Variants in SANBR observed in about 807,000 individuals in gnomAD.
SANBR encodes SANT and BTB domain regulator of CSR.
A neutral mutation model predicts 101.8 loss-of-function variants in SANBR; 77 were observed. The observed-to-expected ratio is 0.76, with a 90% confidence interval of 0.63 to 0.91. The LOEUF (loss-of-function observed/expected upper bound fraction) is 0.91, where lower values mean the gene tolerates loss of function less well. SANBR is among the 40% of genes least tolerant of loss of function. The pLI, the probability that SANBR is intolerant of heterozygous loss-of-function variation, is 0.00. For synonymous variants in SANBR, 279 were observed against 274.7 expected, an observed-to-expected ratio of 1.02 and a Z score of -0.15; for missense variants, 875 against 853.0, an observed-to-expected ratio of 1.03 and a Z score of -0.32.
At chr2:61,133,579 C>T (rs951638035) in intron 20 of SANBR, among the ~76,000 whole-genome samples, 6 of 151,774 alleles carry the variant, frequency 4.0e-5, no homozygotes, top group African/African-American at 1.5e-4. Context: ...ATACCGAGAC[C>T]CTATCTCTAC....
intron 21 of SANBR, among the ~76,000 whole-genome samples, chr2:61,137,128 A>T (rs1371653374): frequency 6.6e-6 from 1 of 151,848 alleles, no homozygotes; most frequent in African/African-American, 2.4e-5. Flanking sequence ...CAAAAAAAAA[A>T]TTAGCGGGGC....
chr2:61,090,913 T>C (rs1682719978), intron 10 of SANBR, among the ~76,000 whole-genome samples: 2 of 142,582 alleles, frequency 1.4e-5, no homozygotes, highest in Non-Finnish European at 3.1e-5. Context: ...AAATTCCTTT[T>C]TTTTTTTTTT....
chr2:61,122,269 A>T lies in SANBR; in HGVS notation c.*107A>T. ...CAATGACTTCCAACTGTTTTATGTT[A>T]TTATTATTTTAATCCACATAAATCA... On this transcript the variant is annotated 3_prime_UTR_variant, in exon 22 of 22. Coordinates refer to ENST00000402291, the MANE Select transcript of SANBR (RefSeq NM_001129993.3). 1 of 1,381,994 alleles carries T rather than the reference A, an allele frequency of 7.2e-7. No individual in the cohort carries two copies. Among genetic ancestry groups the T allele is most frequent in the South Asian group, 1.8e-5 (1 of 55,532 alleles). The allele number at this position is 1,381,994 out of a possible 1,614,324, so 85.6% of individuals were successfully genotyped here. A position where few individuals can be genotyped will look rare whatever the true frequency, so the allele number is the denominator to read the frequency against.
chr2:61,071,760 C>T lies in SANBR; in HGVS notation c.305C>T (p.Thr102Ile). 2 of 1,602,492 alleles carry T rather than the reference C, an allele frequency of 1.2e-6. No individual in the cohort carries two copies. Among genetic ancestry groups the T allele is most frequent in the Non-Finnish European group, 1.7e-6 (2 of 1,176,748 alleles). The change falls in exon 4 of 22, where the codon ACT becomes ATT. Residue 102 changes from threonine (T) to isoleucine (I), a missense_variant. Transcript: ENST00000402291. ...GACATACATGGAGAATTTCAGGAGA[C>T]TCCAGTTGGACATGATGCAGTTTCC... ...LLDIHGEFQE[T>I]PVGHDAVSKT...
downstream of SANBR, among the ~76,000 whole-genome samples, chr2:61,128,663 T>C (rs550055293): frequency 4.1e-4 from 62 of 152,172 alleles, no homozygotes; most frequent in Non-Finnish European, 7.6e-4. Flanking sequence ...CAGCTAATTT[T>C]TTGTATTTTT....
intron 16 of SANBR, among the ~76,000 whole-genome samples, chr2:61,112,084 C>T (rs976538122): frequency 6.6e-6 from 1 of 152,082 alleles, no homozygotes; most frequent in Middle Eastern, 3.2e-3. Context: ...ATTACTAGAT[C>T]ATATGGTAAG....
At chr2:61,137,748 G>A (rs577664994) in exon 22 of SANBR, 82 of 152,144 alleles carry the variant, frequency 5.4e-4, no homozygotes, top group African/African-American at 1.9e-3. Flanking sequence ...CCCTATCACC[G>A]AGGATCCTGC....
intron 20 of SANBR, among the ~76,000 whole-genome samples, chr2:61,129,322 T>C (rs1239259345): frequency 6.6e-6 from 1 of 151,696 alleles, no homozygotes; most frequent in Non-Finnish European, 1.5e-5. Context: ...CAGGCACCTG[T>C]AATCCCAGCT....
intron 4 of SANBR, 109 bp from the exon 5 acceptor site, chr2:61,073,349 G>T: frequency 2.1e-6 from 1 of 485,266 alleles, no homozygotes; most frequent in Non-Finnish European, 3.7e-6. Flanking sequence ...TTTAGCCTTG[G>T]AAACCATGCA....
chr2:61,090,143 A>G (rs1360658172), intron 10 of SANBR, among the ~76,000 whole-genome samples: 1 of 152,174 alleles, frequency 6.6e-6, no homozygotes, highest in African/African-American at 2.4e-5. Flanking sequence ...GAGCAAAACA[A>G]AGTTATGAAA....
In SANBR at chr2:61,114,144, G is replaced by A. The variant is rs539480076; in HGVS notation, c.1745-1835G>A. Among the ~76,000 whole-genome samples the A allele has an allele frequency of 2.0e-5, 3 of 152,172 alleles. No homozygotes were observed. The South Asian group carries it at 6.2e-4, about 32-fold the overall frequency. On this transcript the variant is annotated intron_variant, in intron 16 of 21. Coordinates refer to ENST00000402291, the MANE Select transcript of SANBR (RefSeq NM_001129993.3). Reference sequence around the variant, plus strand: ...TCTGATCCACAGATCCTGACCCAACGACAGATGAATAACTTACACTGACAC... The same window carrying A: ...TCTGATCCACAGATCCTGACCCAACAACAGATGAATAACTTACACTGACAC...
intron 13 of SANBR, among the ~76,000 whole-genome samples, chr2:61,106,351 A>G (rs1020507857): frequency 4.4e-5 from 6 of 135,044 alleles, no homozygotes; most frequent in African/African-American, 1.7e-4. Context: ...AGATCATGCC[A>G]TTGCCCTCCA....
At chr2:61,087,342 AG>A (rs1682487318) in intron 8 of SANBR, among the ~76,000 whole-genome samples, 1 of 152,122 alleles carries the variant, frequency 6.6e-6, no homozygotes, top group South Asian at 2.1e-4. Flanking sequence ...GATTACTTGA[AG>A]GCCAGGAGTC....
intron 20 of SANBR, among the ~76,000 whole-genome samples, chr2:61,133,979 A>G (rs1377118241): frequency 6.6e-6 from 1 of 152,246 alleles, no homozygotes; most frequent in Non-Finnish European, 1.5e-5. Context: ...CAAAAAGGCC[A>G]GTATTGCATC....
downstream of SANBR, among the ~76,000 whole-genome samples, chr2:61,128,959 TC>T (rs1262478626): frequency 6.6e-6 from 1 of 151,944 alleles, no homozygotes; most frequent in Non-Finnish European, 1.5e-5. Context: ...GAGATCCTGT[TC>T]CAAAACGAAG....
Position 61,077,001 on chromosome 2 carries a change from A to G in SANBR, c.513A>G (p.Ser171=). 6.2e-7 allele frequency: 1 copy of G among 1,614,218 alleles called. No homozygotes were observed. The highest frequency in any genetic ancestry group is 8.5e-7 in the Non-Finnish European group (1 of 1,180,030). Residue 171 remains serine (S), a synonymous_variant, in exon 6 of 22, where the codon TCA becomes TCG. Transcript: ENST00000402291. The stretch of plus-strand genomic sequence containing the variant: ...CTTGCCCGCGAGATCTTTTGATATC[A>G]GAAATGAAGTACTTTGCTGAATATT... ...DFTCPRDLLI[S]EMKYFAEYLS...
intron 20 of SANBR, 83 bp from the exon 21 acceptor site, chr2:61,121,102 A>C: frequency 1.0e-6 from 1 of 974,670 alleles, no homozygotes; most frequent in Non-Finnish European, 1.5e-6. Context: ...AATTACTTCT[A>C]AATTAAAAAG....
chr2:61,116,039 G>C lies in SANBR; in HGVS notation c.1805G>C (p.Cys602Ser). Residue 602 changes from cysteine to serine, a missense_variant, in exon 17 of 22, where the codon TGT becomes TCT. Coordinates refer to ENST00000402291, the MANE Select transcript of SANBR (RefSeq NM_001129993.3). ...CCAAAAAAGCAGGTATCTTCACCCT[G>C]TGCCCAGAGGAAAGAAAAGGCATTG... ...RQPKKQVSSP[C>S]AQRKEKALEK... 1.2e-6 allele frequency: 2 copies of C among 1,610,658 alleles called. No homozygotes were observed. The highest frequency in any genetic ancestry group is 2.2e-5 in the South Asian group (2 of 90,266).
chr2:61,123,023 T>G lies in SANBR; in HGVS notation c.*861T>G. 1.0e-6 allele frequency: 1 copy of G among 981,752 alleles called. No homozygotes were observed. Among genetic ancestry groups the G allele is most frequent in the Non-Finnish European group, 1.2e-6 (1 of 826,442 alleles). The allele number at this position is 981,752 out of a possible 1,614,324, so 60.8% of individuals were successfully genotyped here. Reference sequence around the variant, plus strand: ...CCTTAAAACAGTTATACTTGCTAGTTCGGTCTAAAATTTTCCAAATACATT... The same window carrying G: ...CCTTAAAACAGTTATACTTGCTAGTGCGGTCTAAAATTTTCCAAATACATT... On this transcript the variant is annotated 3_prime_UTR_variant, in exon 22 of 22. Transcript: ENST00000402291.
Sources: gnomAD v4.1 joint callset for allele counts (sites outside exome capture counted in the v4.1 genomes callset) on GRCh38, gnomAD v4.1.1 for gene constraint, MANE v1.5 for transcripts, NCBI Gene and HGNC (gene_info 2026-07-23, HGNC 2026-07-21) for gene names.